Variants in HUS1 observed in about 807,000 individuals in gnomAD.
HUS1 encodes the protein checkpoint protein HUS1.
A neutral mutation model predicts 32.6 loss-of-function variants in HUS1; 31 were observed. The ratio of observed to expected loss-of-function variants is 0.95; its 90% CI spans 0.72 to 1.28. The LOEUF (loss-of-function observed/expected upper bound fraction) is 1.28. HUS1 is among the 50% of genes most tolerant of loss of function. The pLI is 0.00. For synonymous variants in HUS1, 123 were observed against 116.6 expected (o/e 1.06, Z -0.36); for missense variants, 340 against 337.7 (o/e 1.01, Z -0.05).
chr7:47,971,021 AAAC>A (rs1168021736), intron 5 of HUS1, among the ~76,000 whole-genome samples: 2 of 152,356 alleles, frequency 1.3e-5, no homozygotes, highest in East Asian at 1.9e-4. Context: ...AACCAAAACT[AAAC>A]AACAGGAATG....
At chr7:47,967,739 A>G in intron 7 of HUS1, 67 bp downstream of exon 7, 3 of 1,333,372 alleles carry the variant, frequency 2.2e-6, no homozygotes, top group Non-Finnish European at 3.1e-6. Context: ...AATCTGTTAG[A>G]CTAGAGTTGA....
At chr7:47,968,292 C>A (rs1226022480) in intron 6 of HUS1, among the ~76,000 whole-genome samples, 1 of 151,952 alleles carries the variant, frequency 6.6e-6, no homozygotes, top group East Asian at 1.9e-4. Flanking sequence ...AGAAAACATC[C>A]TTTCTACCTC....
At position 47,978,435 on chromosome 7, in the gene HUS1, GA is replaced by G; in HGVS notation, c.338del (p.Leu113ProfsTer17). The G allele has an allele frequency of 6.2e-7, 1 of 1,614,188 alleles. No individual in the cohort carries two copies. The highest frequency in any genetic ancestry group is 1.1e-5 in the South Asian group (1 of 91,090). ...IKLTNKHFPC[L>X]TVSVELLSMS... is the part of the protein sequence containing the mutation. ...TACTCACCAGCTCCACGGAGACCGTGAGGCAGGGAAAGTGTTTATTAGTCAG... is the reference window on the plus strand; with the variant it reads ...TACTCACCAGCTCCACGGAGACCGTGGGCAGGGAAAGTGTTTATTAGTCAG... On this transcript the variant is annotated frameshift_variant, in exon 3 of 8. Coordinates refer to ENST00000258774, the MANE Select transcript of HUS1 (RefSeq NM_004507.4). LOFTEE classifies it high-confidence loss of function.
intron 7 of HUS1, among the ~76,000 whole-genome samples, chr7:47,966,155 G>A (rs931726289): frequency 2.0e-5 from 3 of 152,016 alleles, no homozygotes; most frequent in Non-Finnish European, 4.4e-5. Flanking sequence ...TTCTTTAGGA[G>A]AGGTGGTGCA....
Position 47,967,998 on chromosome 7 carries a change from TTTAC to T in HUS1, c.641-77_641-74del, listed in dbSNP as rs1406684935. ...GGAAACCTGGAGATACTCAATGCATTTTACTTAAATAAATGATTCACTTTAGCAC... is the reference window on the plus strand; with the variant it reads ...GGAAACCTGGAGATACTCAATGCATTTTAAATAAATGATTCACTTTAGCAC... On this transcript the variant is annotated intron_variant, in intron 6 of 7. Coordinates refer to ENST00000258774, the MANE Select transcript of HUS1 (RefSeq NM_004507.4). 7.8e-5 allele frequency: 116 copies of T among 1,481,072 alleles called. No individual in the cohort carries two copies. In the East Asian group the frequency reaches 2.6e-3, roughly 33 times the overall value. The allele number at this position is 1,481,072 out of a possible 1,614,324, so 91.7% of individuals were successfully genotyped here.
rs557179002 is a variant in HUS1, at chr7:47,979,615, T to C, written c.-96A>G. On this transcript the variant is annotated 5_prime_UTR_variant, in exon 1 of 8. Coordinates refer to ENST00000258774, the MANE Select transcript of HUS1 (RefSeq NM_004507.4). ...CCCGGAAACACGGCAGCGCGAACAG[T>C]GGTTCCGCCCGGCTCGGGCTACGCG... 116 of 1,007,182 alleles carry C rather than the reference T, an allele frequency of 1.2e-4. 1 individual carries two copies. In the African/African-American group the frequency reaches 1.4e-3, roughly 12 times the overall value. The allele number at this position is 1,007,182 out of a possible 1,614,324, so 62.4% of individuals were successfully genotyped here. A position where few individuals can be genotyped will look rare whatever the true frequency, so the allele number is the denominator to read the frequency against.
rs199759985 is a variant in HUS1 at position 47,967,809 on chromosome 7, A to G, written c.757T>C (p.Cys253Arg). 5.0e-6 allele frequency: 8 copies of G among 1,613,386 alleles called. No individual in the cohort carries two copies. Among genetic ancestry groups the G allele is most frequent in the African/African-American group, 1.3e-5 (1 of 74,988 alleles). ...CAAAACAGAGAAGCACACTCACTGC[A>G]TAAGGCCTTTGTGGGATTTACTTGT... Reference protein sequence around the residue: ...GQQVNPTKALCNIVNNKMVHF... With the variant: ...GQQVNPTKALRNIVNNKMVHF... The change falls in exon 7 of 8, where the codon TGC becomes CGC. Residue 253 changes from cysteine to arginine, a missense_variant. Cys to Arg is a radical substitution (Grantham distance 180, BLOSUM62 -3). Transcript: ENST00000258774.
At chr7:47,976,361 C>G (rs1788703952) in intron 4 of HUS1, 1 of 460,174 alleles carries the variant, frequency 2.2e-6, no homozygotes, top group Admixed American at 2.3e-5. Flanking sequence ...AAATTCTTCT[C>G]TTCTTGGCTT....
chr7:47,972,202 A>C (rs1240606021), intron 5 of HUS1, among the ~76,000 whole-genome samples: 2 of 152,250 alleles, frequency 1.3e-5, no homozygotes, highest in Non-Finnish European at 2.9e-5. Flanking sequence ...CATTTGTTCC[A>C]AACAACCACA....
Position 47,969,220 on chromosome 7 carries a change from T to A in HUS1, c.639A>T (p.Leu213Phe), listed in dbSNP as rs1788543932. Residue 213 changes from leucine to phenylalanine, a missense_variant and splice_region_variant, in exon 6 of 8, where the codon TTA (leucine) becomes TTT (phenylalanine). By Grantham distance (22) the Leu-to-Phe change is conservative. Coordinates refer to ENST00000258774, the MANE Select transcript of HUS1 (RefSeq NM_004507.4). ...THFKDLGNPPLASESTHEDRN... is the reference protein window; with the variant it reads ...THFKDLGNPPFASESTHEDRN... ...AATATAACCCACTAGAAAACTTACC[T>A]AATGGAGGATTTCCAAGATCTTTAA... is the stretch of plus-strand genomic sequence containing the variant. The A allele has an allele frequency of 6.7e-7, 1 of 1,499,322 alleles. No individual in the cohort carries two copies. Among genetic ancestry groups the A allele is most frequent in the Non-Finnish European group, 9.2e-7 (1 of 1,088,398 alleles). 92.9% of individuals were successfully genotyped at this position (1,499,322 alleles called of 1,614,324 possible).
chr7:47,975,703 G>C lies in HUS1; in HGVS notation c.466-16C>G. 6.8e-7 allele frequency: 1 copy of C among 1,464,884 alleles called. No individual in the cohort carries two copies. Among genetic ancestry groups the C allele is most frequent in the Non-Finnish European group, 9.5e-7 (1 of 1,054,778 alleles). 90.7% of individuals were successfully genotyped at this position (1,464,884 alleles called of 1,614,324 possible). A position where few individuals can be genotyped will look rare whatever the true frequency, so the allele number is the denominator to read the frequency against. On this transcript the variant is annotated splice_polypyrimidine_tract_variant and intron_variant, in intron 4 of 7. Transcript: ENST00000258774. ...AAATACTAACCTACAAAACCAATGA[G>C]AAAAAAGCACAAGTATTAAAAATAT...
At chr7:47,977,199 G>A (rs1220352470) in intron 3 of HUS1, among the ~76,000 whole-genome samples, 1 of 152,102 alleles carries the variant, frequency 6.6e-6, no homozygotes, top group Non-Finnish European at 1.5e-5. Flanking sequence ...GACTGAGGAG[G>A]TGACATTTCA....
Position 47,967,903 on chromosome 7 carries a change from G to C in HUS1, c.663C>G (p.Asp221Glu), listed in dbSNP as rs3176588. 4.8e-4 allele frequency: 768 copies of C among 1,612,958 alleles called. 10 individuals are homozygous for C. In the African/African-American group the frequency reaches 7.4e-3, roughly 16 times the overall value. The change falls in exon 7 of 8, where the codon GAC (aspartate) becomes GAG (glutamate). Residue 221 changes from aspartate (D) to glutamate (E), a missense_variant. Asp to Glu is a conservative substitution (Grantham distance 45). Coordinates refer to ENST00000258774, the MANE Select transcript of HUS1 (RefSeq NM_004507.4). Reference protein sequence around the residue: ...PPLASESTHEDRNVEHMAEVH... With the variant: ...PPLASESTHEERNVEHMAEVH... ...CTTCAGCCATGTGTTCCACGTTTCT[G>C]TCCTCATGGGTGCTTTCAGAGGCTA...
intron 5 of HUS1, 22 bp from the exon 6 acceptor site, chr7:47,969,340 T>C (rs1206931550): frequency 2.2e-6 from 3 of 1,378,952 alleles, no homozygotes; most frequent in Non-Finnish European, 3.1e-6. Flanking sequence ...GTATTTTACA[T>C]AGTCTTAGAA....
chr7:47,968,839 AAGG>A (rs141914542), intron 6 of HUS1: 5 of 170,142 alleles, frequency 2.9e-5, no homozygotes, highest in Admixed American at 1.3e-4. Context: ...GAAGTAACTG[AAGG>A]AGGAGAATAT....
intron 5 of HUS1, among the ~76,000 whole-genome samples, chr7:47,970,275 C>T (rs1275707922): frequency 7.1e-6 from 1 of 141,446 alleles, no homozygotes; most frequent in Non-Finnish European, 1.5e-5. Context: ...CAATAATAGA[C>T]GCTATGACAC....
At chr7:47,971,555 T>C (rs1204954435) in intron 5 of HUS1, 5 of 456,604 alleles carry the variant, frequency 1.1e-5, no homozygotes, top group African/African-American at 8.0e-5. Flanking sequence ...GTTTGAGGTT[T>C]TGCTAACCTA....
intron 3 of HUS1, 100 bp from the exon 4 acceptor site, chr7:47,976,937 C>A: frequency 1.4e-6 from 1 of 715,564 alleles, no homozygotes; most frequent in Non-Finnish European, 2.4e-6. Flanking sequence ...AATACCAAAT[C>A]TAAGTGGAAT....
chr7:47,979,529 T>C lies in HUS1; in HGVS notation c.-10A>G, dbSNP rs374651886. The C allele has an allele frequency of 1.1e-5, 17 of 1,602,294 alleles. No individual in the cohort carries two copies. Among genetic ancestry groups the C allele is most frequent in the Non-Finnish European group, 1.4e-5 (16 of 1,175,732 alleles). On this transcript the variant is annotated 5_prime_UTR_variant, in exon 1 of 8. Coordinates refer to ENST00000258774, the MANE Select transcript of HUS1 (RefSeq NM_004507.4). Reference sequence around the variant, plus strand: ...TGGCCCGAAACTTCATGGCCGCGGATGGCGCAGCCGCGGCGGGCCTCTGTG... The same window carrying C: ...TGGCCCGAAACTTCATGGCCGCGGACGGCGCAGCCGCGGCGGGCCTCTGTG...
Sources: allele counts gnomAD v4.1 joint callset (sites outside exome capture counted in the v4.1 genomes callset), GRCh38; gene constraint gnomAD v4.1.1; transcripts MANE v1.5; gene names NCBI Gene and HGNC (gene_info 2026-07-23, HGNC 2026-07-21).